WWOX: variants seen among roughly 807,000 people sequenced by gnomAD.
WWOX encodes the protein WW domain containing oxidoreductase, also known as WW domain-containing oxidoreductase.
In WWOX, 69 loss-of-function variants were observed where a neutral mutation model predicts 46.2. The observed-to-expected ratio is 1.49, with a 90% confidence interval of 1.23 to 1.82. The LOEUF (loss-of-function observed/expected upper bound fraction) is 1.82, where lower values mean the gene tolerates loss of function less well. Among genes scored for constraint, WWOX ranks in the 40% most tolerant of loss-of-function variants. The probability of loss-of-function intolerance (pLI) is 0.00; values close to 1 mark genes in which losing one functional copy is unlikely to be tolerated. For missense variants in WWOX, 919 were observed against 542.6 expected, an observed-to-expected ratio of 1.69 and a Z score of -6.89; for synonymous variants, 359 against 202.6, an observed-to-expected ratio of 1.77 and a Z score of -6.56.
chr16:78,146,215 G>A (rs1326092699), intron 4 of WWOX, among the ~76,000 whole-genome samples: 1 of 152,044 alleles, frequency 6.6e-6, no homozygotes, highest in Non-Finnish European at 1.5e-5. Flanking sequence ...TTAGGCTCCC[G>A]CTGCTGACAA....
intron 4 of WWOX, among the ~76,000 whole-genome samples, chr16:78,132,041 T>C (rs1478431033): frequency 6.6e-6 from 1 of 150,472 alleles, no homozygotes; most frequent in Non-Finnish European, 1.5e-5. Context: ...TTTTTTTTTT[T>C]TGAGACAGAG....
intron 8 of WWOX, chr16:78,892,130 C>A (rs376045305): frequency 1.3e-5 from 2 of 152,100 alleles, no homozygotes; most frequent in Non-Finnish European, 2.9e-5. Flanking sequence ...ACCATGTTTT[C>A]TGTTTCATAC....
At chr16:79,162,028 C>T (rs774895130) in intron 8 of WWOX, among the ~76,000 whole-genome samples, 3 of 152,218 alleles carry the variant, frequency 2.0e-5, no homozygotes, top group Admixed American at 6.5e-5. Context: ...TCTCCCAGAT[C>T]TGTCCTTTTC....
intron 5 of WWOX, among the ~76,000 whole-genome samples, chr16:78,314,596 C>G (rs2080317753): frequency 6.9e-6 from 1 of 145,564 alleles, no homozygotes. Context: ...GTGATACTGG[C>G]TCACTGCAAC....
intron 8 of WWOX, among the ~76,000 whole-genome samples, chr16:79,197,490 C>A (rs750468103): frequency 6.6e-6 from 1 of 151,686 alleles, no homozygotes; most frequent in East Asian, 1.9e-4. Flanking sequence ...TGAGCGAGTT[C>A]TTGAACACTT....
chr16:79,211,638 G>A lies in WWOX; in HGVS notation c.1087G>A (p.Ala363Thr). The A allele has an allele frequency of 1.2e-6, 2 of 1,614,202 alleles. No individual in the cohort carries two copies. Among genetic ancestry groups the A allele is most frequent in the Non-Finnish European group, 8.5e-7 (1 of 1,180,038 alleles). ...GGGAGCTGCCACCACCGTGTACTGT[G>A]CTGCTGTCCCAGAACTGGAGGGTCT... ...QQGAATTVYCAAVPELEGLGG... is the reference protein window; with the variant it reads ...QQGAATTVYCTAVPELEGLGG... The change falls in exon 9 of 9, where the codon GCT becomes ACT. Residue 363 changes from alanine (A) to threonine (T), a missense_variant. By Grantham distance (58) the Ala-to-Thr change is moderately conservative. Coordinates refer to ENST00000566780, the MANE Select transcript of WWOX (RefSeq NM_016373.4).
chr16:78,786,057 C>A (rs775481619), intron 8 of WWOX, among the ~76,000 whole-genome samples: 13 of 152,192 alleles, frequency 8.5e-5, no homozygotes, highest in Non-Finnish European at 1.8e-4. Flanking sequence ...CAGGCACCCA[C>A]CACCACGCCT....
chr16:78,376,597 C>T (rs538308620), intron 5 of WWOX, among the ~76,000 whole-genome samples: 5 of 152,256 alleles, frequency 3.3e-5, no homozygotes, highest in Non-Finnish European at 4.4e-5. Context: ...CAGGCATCCT[C>T]GGGACTATTG....
intron 8 of WWOX, among the ~76,000 whole-genome samples, chr16:78,904,194 G>A (rs1190003373): frequency 6.7e-6 from 1 of 150,142 alleles, no homozygotes; most frequent in Non-Finnish European, 1.5e-5. Flanking sequence ...AGCAGTTACA[G>A]GTGCTTGTGA....
chr16:78,117,974 T>C (rs1324368600), intron 4 of WWOX, among the ~76,000 whole-genome samples: 2 of 152,004 alleles, frequency 1.3e-5, no homozygotes, highest in East Asian at 3.9e-4. Context: ...AACATAGATA[T>C]CTAATTTGCC....
intron 8 of WWOX, among the ~76,000 whole-genome samples, chr16:79,208,800 A>G (rs2051610913): frequency 1.3e-5 from 2 of 152,218 alleles, no homozygotes; most frequent in African/African-American, 2.4e-5. Flanking sequence ...ACATCTGATC[A>G]TATTAAGATG....
At chr16:78,660,751 T>C (rs775271877) in intron 8 of WWOX, among the ~76,000 whole-genome samples, 3 of 152,228 alleles carry the variant, frequency 2.0e-5, no homozygotes, top group Non-Finnish European at 2.9e-5. Flanking sequence ...AAGTTTGTTA[T>C]GGATTCTTCC....
intron 8 of WWOX, among the ~76,000 whole-genome samples, chr16:78,754,509 G>T (rs889606981): frequency 9.2e-5 from 14 of 152,028 alleles, no homozygotes; most frequent in Non-Finnish European, 1.5e-4. Context: ...TGGATTTCCT[G>T]CTCTTAAGGT....
rs116831971 is a variant in WWOX at position 78,845,810 on chromosome 16, T to C, written c.1057-365798T>C. Reference sequence around the variant, plus strand: ...AGAAATGACATTATAAGCTGGCTTATGTGGGCACTTAAGACATGGAGCTGA... The same window carrying C: ...AGAAATGACATTATAAGCTGGCTTACGTGGGCACTTAAGACATGGAGCTGA... On this transcript the variant is annotated intron_variant, in intron 8 of 8. Transcript: ENST00000566780. 3.3e-3 allele frequency among the ~76,000 whole-genome samples: 510 copies of C among 152,352 alleles called. 3 individuals carry two copies. Among genetic ancestry groups the C allele is most frequent in the African/African-American group, 0.012 (482 of 41,572 alleles).
chr16:79,128,221 T>C (rs1248513011), intron 8 of WWOX, among the ~76,000 whole-genome samples: 3 of 152,200 alleles, frequency 2.0e-5, no homozygotes, highest in African/African-American at 7.2e-5. Flanking sequence ...TAATGTTGTT[T>C]GTGGCAATGT....
intron 5 of WWOX, among the ~76,000 whole-genome samples, chr16:78,375,738 T>C (rs945529752): frequency 1.3e-5 from 2 of 152,092 alleles, no homozygotes; most frequent in East Asian, 1.9e-4. Context: ...AATTATAGTT[T>C]CCTAAGTATT....
At chr16:78,490,568 G>A (rs2084757238) in intron 8 of WWOX, among the ~76,000 whole-genome samples, 1 of 152,162 alleles carries the variant, frequency 6.6e-6, no homozygotes, top group Non-Finnish European at 1.5e-5. Context: ...GTGGGACGGA[G>A]GAGAAAGAAG....
At chr16:78,901,180 C>G (rs1012775472) in intron 8 of WWOX, among the ~76,000 whole-genome samples, 4 of 152,134 alleles carry the variant, frequency 2.6e-5, no homozygotes, top group Non-Finnish European at 4.4e-5. Flanking sequence ...TCCTTCCTAT[C>G]CATGAGAGTA....
At position 78,643,439 on chromosome 16, in the gene WWOX, C is replaced by T. The variant is rs139579244; in HGVS notation, c.1056+210687C>T. Among the ~76,000 whole-genome samples, 727 of 152,180 alleles carry T rather than the reference C, an allele frequency of 4.8e-3. 4 individuals carry two copies. The highest frequency in any genetic ancestry group is 0.031 in the Middle Eastern group (9 of 294). On this transcript the variant is annotated intron_variant, in intron 8 of 8. Transcript: ENST00000566780. The stretch of plus-strand genomic sequence containing the variant: ...GCTTGAACCCCTGTCTCTGTGTCTC[C>T]CAGCTCATAAGGTGTGCTACCAAGT...
Sources: allele counts gnomAD v4.1 joint callset (sites outside exome capture counted in the v4.1 genomes callset), GRCh38; gene constraint gnomAD v4.1.1; transcripts MANE v1.5; gene names NCBI Gene and HGNC (gene_info 2026-07-23, HGNC 2026-07-21).